Variants in HS6ST3 observed in about 807,000 individuals in gnomAD.
The protein encoded by HS6ST3 is heparan sulfate 6-O-sulfotransferase 3.
HS6ST3 carries 12 observed loss-of-function variants against 36.7 expected under a neutral mutation model. The ratio of observed to expected loss-of-function variants is 0.33; its 90% CI spans 0.21 to 0.53. The LOEUF (loss-of-function observed/expected upper bound fraction) is 0.53. HS6ST3 is among the 20% of genes least tolerant of loss of function. The pLI, the probability that HS6ST3 is intolerant of heterozygous loss-of-function variation, is 0.95. For missense variants in HS6ST3, 584 were observed against 640.9 expected (o/e 0.91, Z 0.96); for synonymous variants, 240 against 257.5 (o/e 0.93, Z 0.65).
At chr13:96,516,742 T>G (rs979265510) in intron 1 of HS6ST3, among the ~76,000 whole-genome samples, 16 of 152,206 alleles carry the variant, frequency 1.1e-4, no homozygotes, top group African/African-American at 3.9e-4. Context: ...ACTGACAACC[T>G]AAATAGTTTT....
chr13:96,334,299 C>T (rs376737210), intron 1 of HS6ST3, among the ~76,000 whole-genome samples: 23 of 152,092 alleles, frequency 1.5e-4, no homozygotes, highest in African/African-American at 5.6e-4. Context: ...AGTTCTTACA[C>T]AATGTGGTGT....
At chr13:96,667,996 C>T (rs920979653) in intron 1 of HS6ST3, among the ~76,000 whole-genome samples, 1 of 152,116 alleles carries the variant, frequency 6.6e-6, no homozygotes, top group Non-Finnish European at 1.5e-5. Context: ...TTGTTTTTCT[C>T]CCTCTAACAT....
intron 1 of HS6ST3, among the ~76,000 whole-genome samples, chr13:96,522,374 T>G (rs901896223): frequency 7.9e-5 from 12 of 152,186 alleles, no homozygotes; most frequent in African/African-American, 2.4e-4. Context: ...GTCTGCTTGG[T>G]CCAGAGCTGA....
At chr13:96,326,432 G>T (rs1257598118) in intron 1 of HS6ST3, among the ~76,000 whole-genome samples, 3 of 149,862 alleles carry the variant, frequency 2.0e-5, no homozygotes, top group Non-Finnish European at 3.0e-5. Flanking sequence ...GCGGTGTTTG[G>T]TTTTTTGTCC....
chr13:96,353,138 C>T (rs1170535163), intron 1 of HS6ST3, among the ~76,000 whole-genome samples: 1 of 144,072 alleles, frequency 6.9e-6, no homozygotes, highest in African/African-American at 2.6e-5. Context: ...ACTGCAACCT[C>T]TGTCTCCCAG....
chr13:96,518,004 T>C (rs1194108559), intron 1 of HS6ST3, among the ~76,000 whole-genome samples: 2 of 152,168 alleles, frequency 1.3e-5, no homozygotes, highest in Non-Finnish European at 2.9e-5. Context: ...GTGGTACATA[T>C]ACACCATGGA....
At chr13:96,733,640 T>G (rs1363791450) in intron 1 of HS6ST3, among the ~76,000 whole-genome samples, 1 of 152,236 alleles carries the variant, frequency 6.6e-6, no homozygotes, top group Non-Finnish European at 1.5e-5. Context: ...TAACCCTACC[T>G]TAATTCCTAA....
Position 96,641,198 on chromosome 13 carries a change from G to A in HS6ST3, c.708-191292G>A, listed in dbSNP as rs552525124. On this transcript the variant is annotated intron_variant, in intron 1 of 1. Transcript: ENST00000376705. Reference sequence around the variant, plus strand: ...TACCATTTATGATTTTATTTCATCAGCATTTTAAATTTCTTCTTGCAGATA... The same window carrying A: ...TACCATTTATGATTTTATTTCATCAACATTTTAAATTTCTTCTTGCAGATA... 2.2e-4 allele frequency among the ~76,000 whole-genome samples: 34 copies of A among 151,878 alleles called. No individual in the cohort carries two copies. The East Asian group carries it at 2.9e-3, about 13-fold the overall frequency.
intron 1 of HS6ST3, among the ~76,000 whole-genome samples, chr13:96,337,151 C>T (rs146471336): frequency 0.014 from 2,194 of 152,172 alleles, 26 homozygotes; most frequent in East Asian, 0.055. Context: ...CTGTAAGCTC[C>T]GCCTCCCGGG....
At chr13:96,358,548 A>G (rs1437911875) in intron 1 of HS6ST3, among the ~76,000 whole-genome samples, 1 of 152,138 alleles carries the variant, frequency 6.6e-6, no homozygotes. Flanking sequence ...AAAACACACA[A>G]AAAAAGCAGA....
intron 1 of HS6ST3, among the ~76,000 whole-genome samples, chr13:96,251,369 A>G (rs908062856): frequency 6.6e-6 from 1 of 152,064 alleles, no homozygotes; most frequent in African/African-American, 2.4e-5. Flanking sequence ...TCCAATTTGT[A>G]TATGTATAAT....
At chr13:96,483,624 G>A (rs2055900094) in intron 1 of HS6ST3, among the ~76,000 whole-genome samples, 1 of 152,194 alleles carries the variant, frequency 6.6e-6, no homozygotes. Flanking sequence ...TATGGAATCT[G>A]TGGCTCACTC....
chr13:96,645,621 T>A (rs1178051560), intron 1 of HS6ST3, among the ~76,000 whole-genome samples: 1 of 151,752 alleles, frequency 6.6e-6, no homozygotes, highest in Non-Finnish European at 1.5e-5. Flanking sequence ...CTGAAAAAAA[T>A]CAAACATATT....
At chr13:96,601,170 C>T (rs2056420367) in intron 1 of HS6ST3, among the ~76,000 whole-genome samples, 1 of 152,126 alleles carries the variant, frequency 6.6e-6, no homozygotes, top group African/African-American at 2.4e-5. Context: ...CAATGAATCT[C>T]CCAGGAATTC....
intron 1 of HS6ST3, among the ~76,000 whole-genome samples, chr13:96,282,395 G>A (rs1014226374): frequency 6.6e-6 from 1 of 152,126 alleles, no homozygotes. Context: ...TGAAGTAGGT[G>A]CGGAGCAGAC....
At chr13:96,129,327 A>G (rs1030532193) in intron 1 of HS6ST3, among the ~76,000 whole-genome samples, 1 of 152,246 alleles carries the variant, frequency 6.6e-6, no homozygotes, top group African/African-American at 2.4e-5. Context: ...GAAGGATGCC[A>G]TGGGAAGTAA....
chr13:96,730,255 A>G (rs1045610223), intron 1 of HS6ST3, among the ~76,000 whole-genome samples: 2 of 152,198 alleles, frequency 1.3e-5, no homozygotes, highest in Non-Finnish European at 2.9e-5. Context: ...ATCTTCTTGC[A>G]GCTCAACATG....
chr13:96,784,700 C>T (rs1302973471), intron 1 of HS6ST3, among the ~76,000 whole-genome samples: 1 of 152,018 alleles, frequency 6.6e-6, no homozygotes, highest in Non-Finnish European at 1.5e-5. Context: ...CAAACAAGAC[C>T]CATATCAACT....
intron 1 of HS6ST3, among the ~76,000 whole-genome samples, chr13:96,359,531 G>A (rs1221515590): frequency 1.3e-5 from 2 of 152,092 alleles, no homozygotes; most frequent in Non-Finnish European, 2.9e-5. Context: ...GTATCACCTG[G>A]GACATTTATT....
Sources: allele counts gnomAD v4.1 joint callset (sites outside exome capture counted in the v4.1 genomes callset), GRCh38; gene constraint gnomAD v4.1.1; transcripts MANE v1.5; gene names NCBI Gene and HGNC (gene_info 2026-07-23, HGNC 2026-07-21).